Variants in CHLSN observed in about 807,000 individuals in gnomAD.
CHLSN encodes the protein cholesin, also known as protein cholesin.
At chr7:1,036,125 G>C in the CHLSN span, among the ~76,000 whole-genome samples, 1 of 152,234 alleles carries the variant, frequency 6.6e-6, no homozygotes, top group Non-Finnish European at 1.5e-5. Context: ...GGGATGAATG[G>C]GTGGTGCACA....
chr7:1,078,667 A>G, the CHLSN span, among the ~76,000 whole-genome samples: 1 of 152,168 alleles, frequency 6.6e-6, no homozygotes, highest in African/African-American at 2.4e-5. Flanking sequence ...GCTAGTCTGC[A>G]GGATCACAGG....
chr7:1,041,232 CTG>C, the CHLSN span, among the ~76,000 whole-genome samples: 5 of 145,482 alleles, frequency 3.4e-5, no homozygotes, highest in South Asian at 2.2e-4. Context: ...GGGCTCCGCG[CTG>C]CGGGGAAGGG....
At chr7:1,055,837 GAGGCC>G in the CHLSN span, among the ~76,000 whole-genome samples, 1 of 152,160 alleles carries the variant, frequency 6.6e-6, no homozygotes, top group South Asian at 2.1e-4. Flanking sequence ...GGCGCCCCGT[GAGGCC>G]AGGCCAGGCT....
the CHLSN span, among the ~76,000 whole-genome samples, chr7:1,054,262 A>G: frequency 6.6e-6 from 1 of 152,368 alleles, no homozygotes; most frequent in African/African-American, 2.4e-5. Context: ...GAAGGAAAAC[A>G]GGTACGGCTC....
the CHLSN span, among the ~76,000 whole-genome samples, chr7:1,108,684 G>A: frequency 6.6e-6 from 1 of 152,284 alleles, no homozygotes; most frequent in Admixed American, 6.5e-5. Context: ...GGGCAGTTGA[G>A]TTCCACTCTC....
the CHLSN span, among the ~76,000 whole-genome samples, chr7:993,309 G>C: frequency 7.9e-5 from 12 of 152,222 alleles, no homozygotes; most frequent in Non-Finnish European, 1.3e-4. Context: ...ACTGTGACTG[G>C]AGCAAGAGCC....
At chr7:1,013,763 T>A in the CHLSN span, among the ~76,000 whole-genome samples, 1 of 152,156 alleles carries the variant, frequency 6.6e-6, no homozygotes, top group East Asian at 1.9e-4. Flanking sequence ...AAGCAGAAAG[T>A]CGTACAAAAG....
the CHLSN span, among the ~76,000 whole-genome samples, chr7:1,111,024 C>T: frequency 6.5e-4 from 99 of 152,248 alleles, no homozygotes; most frequent in Middle Eastern, 3.4e-3. Flanking sequence ...TGCAGTGAGC[C>T]GGGATCGCAC....
chr7:1,106,907 G>C, the CHLSN span, among the ~76,000 whole-genome samples: 1 of 152,190 alleles, frequency 6.6e-6, no homozygotes, highest in Non-Finnish European at 1.5e-5. Flanking sequence ...AGCCAGGCCG[G>C]ACAGAGGGAT....
At chr7:984,565 C>T in the CHLSN span, 28 of 1,561,604 alleles carry the variant, frequency 1.8e-5, no homozygotes, top group East Asian at 2.4e-4. Context: ...GCTCATCCAG[C>T]GAGGTGGAGG....
the CHLSN span, among the ~76,000 whole-genome samples, chr7:1,006,975 AGGTCACC>A: frequency 2.6e-5 from 4 of 152,330 alleles, no homozygotes; most frequent in East Asian, 7.7e-4. Flanking sequence ...TCACAGGCCA[AGGTCACC>A]GTGTGGGGAT....
At chr7:1,014,790 C>T in the CHLSN span, among the ~76,000 whole-genome samples, 4 of 151,864 alleles carry the variant, frequency 2.6e-5, no homozygotes, top group African/African-American at 7.2e-5. Context: ...CATTGGCCGC[C>T]GGCCACGGCA....
the CHLSN span, among the ~76,000 whole-genome samples, chr7:1,124,766 A>C: frequency 6.6e-6 from 1 of 150,512 alleles, no homozygotes; most frequent in Non-Finnish European, 1.5e-5. Flanking sequence ...AAAAAGAGGC[A>C]GTCAGCCTGG....
the CHLSN span, among the ~76,000 whole-genome samples, chr7:1,114,587 G>A: frequency 3.9e-5 from 6 of 152,264 alleles, no homozygotes; most frequent in South Asian, 2.1e-4. Flanking sequence ...TCCACAGGCC[G>A]TGATGGGCGC....
At chr7:1,045,693 ACTG>A in the CHLSN span, 1 of 152,268 alleles carries the variant, frequency 6.6e-6, no homozygotes, top group Non-Finnish European at 1.5e-5. Context: ...TTCAAGAACT[ACTG>A]TAAGGCCTGG....
At chr7:1,010,794 C>T in the CHLSN span, among the ~76,000 whole-genome samples, 2 of 152,182 alleles carry the variant, frequency 1.3e-5, no homozygotes, top group Non-Finnish European at 2.9e-5. Context: ...GCGTCAAAGC[C>T]GGGGCAGCCG....
At chr7:1,130,765 G>A in the CHLSN span, among the ~76,000 whole-genome samples, 1 of 152,222 alleles carries the variant, frequency 6.6e-6, no homozygotes, top group Non-Finnish European at 1.5e-5. Flanking sequence ...AGAGACAGGA[G>A]CTCAACAACC....
the CHLSN span, chr7:1,127,391 A>T: frequency 6.3e-7 from 1 of 1,599,176 alleles, no homozygotes; most frequent in African/African-American, 1.3e-5. Flanking sequence ...GCCATCCTGC[A>T]ACAGAGAAAG....
chr7:1,022,943 TGG>T, the CHLSN span: 1 of 465,590 alleles, frequency 2.1e-6, no homozygotes, highest in Non-Finnish European at 4.4e-6. Flanking sequence ...GCGCAGACAC[TGG>T]GGCAGGCGCC....
Sources: gnomAD v4.1 joint callset for allele counts (sites outside exome capture counted in the v4.1 genomes callset) on GRCh38, gnomAD v4.1.1 for gene constraint, MANE v1.5 for transcripts, NCBI Gene and HGNC (gene_info 2026-07-23, HGNC 2026-07-21) for gene names.